PTPRD: variants seen among roughly 807,000 people sequenced by gnomAD.
PTPRD encodes the protein receptor-type tyrosine-protein phosphatase delta.
PTPRD carries 34 observed loss-of-function variants against 214.5 expected under a neutral mutation model. The ratio of observed to expected loss-of-function variants is 0.16; its 90% confidence interval spans 0.12 to 0.21. PTPRD has a LOEUF of 0.21. Ranked by LOEUF, PTPRD falls within the 10% of genes least tolerant of loss-of-function variation. The pLI is 1.00. For missense variants in PTPRD, 2,545 were observed against 2,398.7 expected (o/e 1.06, Z -1.27); for synonymous variants, 1,128 against 845.7 (o/e 1.33, Z -5.79).
Position 9,860,837 on chromosome 9 carries a change from A to C in PTPRD, c.-368+77670T>G, listed in dbSNP as rs147373992. Among the ~76,000 whole-genome samples, 386 of 152,332 alleles carry C rather than the reference A, an allele frequency of 2.5e-3. 3 individuals are homozygous for C. Among genetic ancestry groups the C allele is most frequent in the African/African-American group, 8.8e-3 (368 of 41,592 alleles). On this transcript the variant is annotated intron_variant, in intron 5 of 45. Transcript: ENST00000381196. ...TTGTGGCTTTTATCACCAAAGCACA[A>C]AACAGAGATGTTGGTTTTGTTGTTT...
chr9:9,635,342 C>A (rs1010284778), intron 7 of PTPRD, among the ~76,000 whole-genome samples: 1 of 152,152 alleles, frequency 6.6e-6, no homozygotes, highest in Non-Finnish European at 1.5e-5. Context: ...GTATGTCCAA[C>A]TTAGAAGCTT....
intron 4 of PTPRD, among the ~76,000 whole-genome samples, chr9:9,944,393 G>T (rs1049936211): frequency 7.1e-6 from 1 of 140,536 alleles, no homozygotes; most frequent in Admixed American, 7.0e-5. Context: ...TAGCACTAAG[G>T]CTGGCACTTA....
At chr9:9,961,208 T>C (rs72692762) in intron 4 of PTPRD, among the ~76,000 whole-genome samples, 6,399 of 151,998 alleles carry the variant, frequency 0.042, 175 homozygotes, top group Non-Finnish European at 0.064. Context: ...ATACATACTC[T>C]TTCCTTTCAA....
At chr9:9,481,006 T>A (rs1032800826) in intron 8 of PTPRD, among the ~76,000 whole-genome samples, 15 of 152,066 alleles carry the variant, frequency 9.9e-5, no homozygotes, top group African/African-American at 3.6e-4. Flanking sequence ...GTTGAAGACA[T>A]GTAATAATGC....
chr9:9,459,945 T>C (rs1383491813), intron 8 of PTPRD, among the ~76,000 whole-genome samples: 5 of 152,158 alleles, frequency 3.3e-5, no homozygotes, highest in Admixed American at 2.6e-4. Flanking sequence ...CTTCAAACTA[T>C]ACTTCAAGGC....
chr9:9,104,316 T>C (rs1043776337), intron 10 of PTPRD, among the ~76,000 whole-genome samples: 4 of 151,792 alleles, frequency 2.6e-5, no homozygotes, highest in African/African-American at 9.7e-5. Flanking sequence ...TGAATTTTTT[T>C]CCCCAAACAT....
At chr9:9,592,669 T>C (rs1465044866) in intron 7 of PTPRD, among the ~76,000 whole-genome samples, 2 of 152,034 alleles carry the variant, frequency 1.3e-5, no homozygotes, top group African/African-American at 4.8e-5. Context: ...CAGTGGATTT[T>C]TTCCCCATAG....
chr9:10,507,484 T>C (rs1213562092), intron 2 of PTPRD, among the ~76,000 whole-genome samples: 1 of 152,134 alleles, frequency 6.6e-6, no homozygotes, highest in Non-Finnish European at 1.5e-5. Context: ...ATAGCCCGCA[T>C]TGCCAAGACA....
At chr9:10,262,492 T>G (rs930111308) in intron 3 of PTPRD, among the ~76,000 whole-genome samples, 1 of 152,206 alleles carries the variant, frequency 6.6e-6, no homozygotes, top group African/African-American at 2.4e-5. Context: ...AACTGAGGTC[T>G]GAAATCCAAG....
At chr9:9,725,838 T>G (rs1286206648) in intron 7 of PTPRD, among the ~76,000 whole-genome samples, 1 of 152,180 alleles carries the variant, frequency 6.6e-6, no homozygotes, top group Non-Finnish European at 1.5e-5. Context: ...TCTTTCAAGA[T>G]AGCCCTCACA....
intron 2 of PTPRD, among the ~76,000 whole-genome samples, chr9:10,430,603 G>A (rs1051943847): frequency 2.0e-5 from 3 of 151,814 alleles, no homozygotes; most frequent in African/African-American, 7.3e-5. Context: ...AAGATAGTCT[G>A]CTGAAACAAA....
At chr9:9,546,264 T>C (rs1005037315) in intron 8 of PTPRD, among the ~76,000 whole-genome samples, 2 of 151,658 alleles carry the variant, frequency 1.3e-5, no homozygotes, top group Admixed American at 6.6e-5. Flanking sequence ...TAGAAGATCA[T>C]GTCATCTGAG....
intron 34 of PTPRD, among the ~76,000 whole-genome samples, chr9:8,448,570 T>C (rs1376645499): frequency 1.3e-5 from 2 of 152,072 alleles, no homozygotes; most frequent in African/African-American, 2.4e-5. Context: ...ACGTTCCCGG[T>C]GCATGATGAA....
At chr9:9,486,736 G>A (rs796121341) in intron 8 of PTPRD, among the ~76,000 whole-genome samples, 1 of 152,090 alleles carries the variant, frequency 6.6e-6, no homozygotes, top group Non-Finnish European at 1.5e-5. Context: ...TCCCAAAGAC[G>A]TTCATTGAAT....
intron 11 of PTPRD, among the ~76,000 whole-genome samples, chr9:8,893,671 A>G (rs2098565420): frequency 6.6e-6 from 1 of 152,108 alleles, no homozygotes; most frequent in Non-Finnish European, 1.5e-5. Context: ...GCAGTGGGGG[A>G]CCTCTTATGC....
chr9:9,936,045 A>T (rs1447488146), intron 5 of PTPRD, among the ~76,000 whole-genome samples: 1 of 149,326 alleles, frequency 6.7e-6, no homozygotes, highest in South Asian at 2.1e-4. Flanking sequence ...CTGAAACTGG[A>T]TCCCTTCCTT....
chr9:8,467,885 A>G (rs2096575317), intron 31 of PTPRD, among the ~76,000 whole-genome samples: 1 of 151,980 alleles, frequency 6.6e-6, no homozygotes, highest in Non-Finnish European at 1.5e-5. Flanking sequence ...CTATTACACC[A>G]AGAAGGAAAA....
chr9:8,813,242 A>G (rs2096850874), intron 11 of PTPRD, among the ~76,000 whole-genome samples: 1 of 151,974 alleles, frequency 6.6e-6, no homozygotes, highest in South Asian at 2.1e-4. Context: ...AGACCAGACG[A>G]GGAGGAAGCA....
At chr9:10,094,889 T>G (rs1322051107) in intron 3 of PTPRD, among the ~76,000 whole-genome samples, 1 of 151,460 alleles carries the variant, frequency 6.6e-6, no homozygotes, top group Non-Finnish European at 1.5e-5. Flanking sequence ...AATCGTGGAC[T>G]ACTTCAAAAG....
Sources: allele counts gnomAD v4.1 joint callset (sites outside exome capture counted in the v4.1 genomes callset), GRCh38; gene constraint gnomAD v4.1.1; transcripts MANE v1.5; gene names NCBI Gene and HGNC (gene_info 2026-07-23, HGNC 2026-07-21).